Variants in MARCHF6 observed in about 807,000 individuals in gnomAD.
The protein encoded by MARCHF6 is membrane associated ring-CH-type finger 6, also known as E3 ubiquitin-protein ligase MARCHF6.
MARCHF6 carries 31 observed loss-of-function variants against 133.7 expected under a neutral mutation model. That is an observed-to-expected ratio of 0.23 (90% CI 0.17 to 0.31). The LOEUF is 0.31. MARCHF6 is among the 10% of genes least tolerant of loss of function. MARCHF6 has a pLI of 1.00. For synonymous variants in MARCHF6, 395 were observed against 402.5 expected (o/e 0.98, Z 0.22); for missense variants, 723 against 1,121.6 (o/e 0.64, Z 5.08).
At chr5:10,395,756 T>C (rs1260650876) in intron 9 of MARCHF6, among the ~76,000 whole-genome samples, 1 of 152,190 alleles carries the variant, frequency 6.6e-6, no homozygotes, top group African/African-American at 2.4e-5. Context: ...GACCGAGATA[T>C]CTCCATCTGT....
intron 16 of MARCHF6, among the ~76,000 whole-genome samples, chr5:10,406,827 C>G (rs1738919968): frequency 6.6e-6 from 1 of 152,188 alleles, no homozygotes; most frequent in African/African-American, 2.4e-5. Flanking sequence ...GTTTCCAGCT[C>G]ATTCCTTAGG....
chr5:10,391,464 T>TA (rs1554022041), intron 6 of MARCHF6, 78 bp from the exon 7 acceptor site: 7 of 431,518 alleles, frequency 1.6e-5, no homozygotes, highest in African/African-American at 1.4e-4. Flanking sequence ...TTTTTTTTTT[T>TA]AGCAGGAATA....
chr5:10,428,125 A>C lies in MARCHF6; in HGVS notation c.2506+1603A>C, dbSNP rs550829824. Among the ~76,000 whole-genome samples, 667 of 152,116 alleles carry C rather than the reference A, an allele frequency of 4.4e-3. 2 individuals are homozygous for C. Among genetic ancestry groups the C allele is most frequent in the African/African-American group, 0.016 (651 of 41,512 alleles). ...AGAGAGGCTGAGCAATGTATCCCTC[A>C]GTCTGCAGGATGGCATGGGAAACAG... On this transcript the variant is annotated intron_variant, in intron 24 of 25. Transcript: ENST00000274140.
chr5:10,376,385 A>T (rs1470104219), intron 1 of MARCHF6, among the ~76,000 whole-genome samples: 15 of 151,956 alleles, frequency 9.9e-5, no homozygotes, highest in Admixed American at 9.8e-4. Flanking sequence ...CACCAGAAGG[A>T]AGAAACTCCG....
intron 24 of MARCHF6, 89 bp downstream of exon 24, chr5:10,426,611 C>A: frequency 7.5e-7 from 1 of 1,335,788 alleles, no homozygotes; most frequent in Non-Finnish European, 1.0e-6. Context: ...ATGTCTCACT[C>A]CATATGCTTT....
In MARCHF6 at chr5:10,429,809, A is replaced by C; in HGVS notation, c.2507-84A>C. 6.8e-6 allele frequency: 8 copies of C among 1,174,992 alleles called. No individual in the cohort carries two copies. The East Asian group carries it at 1.4e-4, about 21-fold the overall frequency. The allele number at this position is 1,174,992 out of a possible 1,614,324, so 72.8% of individuals were successfully genotyped here. ...TTAGAAAGCTTGTCTGCCCCAGTCC[A>C]TTCTTCTAGGGGAAGGACATGTTTA... On this transcript the variant is annotated intron_variant, in intron 24 of 25. Transcript: ENST00000274140.
intron 1 of MARCHF6, among the ~76,000 whole-genome samples, chr5:10,358,137 G>A (rs1417502210): frequency 6.6e-6 from 1 of 152,158 alleles, no homozygotes. Context: ...TCTGGGCAGA[G>A]CATTCCAGGC....
Position 10,436,746 on chromosome 5 carries a change from A to G in MARCHF6, c.*3062A>G, listed in dbSNP as rs1045713408. ...AGATGAAAACTGAAGAAAAATGCCA[A>G]TGTGACGTTTGTGTATAGCTAGCCT... On this transcript the variant is annotated 3_prime_UTR_variant, in exon 26 of 26. Transcript: ENST00000274140. 2.0e-5 allele frequency: 3 copies of G among 152,166 alleles called. No homozygotes were observed. Among genetic ancestry groups the G allele is most frequent in the South Asian group, 2.1e-4 (1 of 4,826 alleles). 9.4% of individuals were successfully genotyped at this position (152,166 alleles called of 1,614,324 possible). A position where few individuals can be genotyped will look rare whatever the true frequency, so the allele number is the denominator to read the frequency against.
chr5:10,390,931 T>G (rs1579566567), intron 6 of MARCHF6, among the ~76,000 whole-genome samples: 1 of 152,354 alleles, frequency 6.6e-6, no homozygotes, highest in East Asian at 1.9e-4. Flanking sequence ...AGAGCCAGAT[T>G]TGTTAACCAT....
rs918926817 is a variant in MARCHF6 at position 10,371,642 on chromosome 5, C to T, written c.20-6156C>T. Among the ~76,000 whole-genome samples the T allele has an allele frequency of 7.2e-5, 11 of 152,254 alleles. 1 individual carries two copies. In the South Asian group the frequency reaches 8.3e-4, roughly 11 times the overall value. On this transcript the variant is annotated intron_variant, in intron 1 of 25. Transcript: ENST00000274140. The stretch of plus-strand genomic sequence containing the variant: ...AATTACCTGGGTCCCTCCCACAACA[C>T]GTGGGAATTCAAGATGAGATTTGGG...
At chr5:10,429,574 A>G (rs1400114218) in intron 24 of MARCHF6, among the ~76,000 whole-genome samples, 1 of 151,692 alleles carries the variant, frequency 6.6e-6, no homozygotes, top group Admixed American at 6.6e-5. Flanking sequence ...TAATTTTTGT[A>G]TTTTTTGGTA....
At chr5:10,404,885 T>G (rs1324451683) in intron 15 of MARCHF6, among the ~76,000 whole-genome samples, 2 of 152,250 alleles carry the variant, frequency 1.3e-5, no homozygotes, top group East Asian at 3.8e-4. Flanking sequence ...CTTAAAAATG[T>G]AATTATATGT....
chr5:10,361,206 A>AAGG (rs1423958047), intron 1 of MARCHF6, among the ~76,000 whole-genome samples: 2 of 152,238 alleles, frequency 1.3e-5, no homozygotes, highest in African/African-American at 4.8e-5. Flanking sequence ...GAGGTAATAT[A>AAGG]AGGAGGAGGA....
chr5:10,392,247 C>G (rs191797746), intron 7 of MARCHF6, among the ~76,000 whole-genome samples: 1 of 151,976 alleles, frequency 6.6e-6, no homozygotes, highest in African/African-American at 2.4e-5. Context: ...TGAGCCACTG[C>G]GCCCGGCCTA....
intron 7 of MARCHF6, among the ~76,000 whole-genome samples, chr5:10,391,974 T>G (rs1295842548): frequency 5.5e-4 from 83 of 151,510 alleles, no homozygotes; most frequent in Admixed American, 4.5e-3. Flanking sequence ...TTTTTTTTTT[T>G]GGGAGACTGA....
intron 1 of MARCHF6, among the ~76,000 whole-genome samples, chr5:10,372,866 A>G: frequency 6.6e-6 from 1 of 152,102 alleles, no homozygotes; most frequent in East Asian, 1.9e-4. Flanking sequence ...GCCTCTAGAA[A>G]ATACCACTGC....
Position 10,353,803 on chromosome 5 carries a change from C to G in MARCHF6, c.-96C>G. ...CTCTCTCGCACCTGAGCGTACGCACCTGCCCGGGCCCGGCTCCCTCCTCCT... is the reference window on the plus strand; with the variant it reads ...CTCTCTCGCACCTGAGCGTACGCACGTGCCCGGGCCCGGCTCCCTCCTCCT... On this transcript the variant is annotated 5_prime_UTR_variant, in exon 1 of 26. Coordinates refer to ENST00000274140, the MANE Select transcript of MARCHF6 (RefSeq NM_005885.4). The G allele has an allele frequency of 2.6e-6, 3 of 1,173,982 alleles. No individual in the cohort carries two copies. Among genetic ancestry groups the G allele is most frequent in the East Asian group, 2.8e-5 (1 of 35,392 alleles). 72.7% of individuals were successfully genotyped at this position (1,173,982 alleles called of 1,614,324 possible).
At chr5:10,395,035 G>A (rs1163363895) in intron 9 of MARCHF6, among the ~76,000 whole-genome samples, 3 of 152,026 alleles carry the variant, frequency 2.0e-5, no homozygotes, top group Non-Finnish European at 4.4e-5. Context: ...TCCTGACCTC[G>A]TGATCTGCCC....
chr5:10,363,701 A>C (rs1735958015), intron 1 of MARCHF6, among the ~76,000 whole-genome samples: 1 of 152,232 alleles, frequency 6.6e-6, no homozygotes, highest in African/African-American at 2.4e-5. Context: ...GCCAAATAGA[A>C]ACAACCCAGT....
Sources: allele counts gnomAD v4.1 joint callset (sites outside exome capture counted in the v4.1 genomes callset), GRCh38; gene constraint gnomAD v4.1.1; transcripts MANE v1.5; gene names NCBI Gene and HGNC (gene_info 2026-07-23, HGNC 2026-07-21).